Variants in LSAMP observed in about 807,000 individuals in gnomAD.
The protein encoded by LSAMP is limbic system-associated membrane protein.
In LSAMP, 7 loss-of-function variants were observed where a neutral mutation model predicts 38.6. That is an observed-to-expected ratio of 0.18 (90% CI 0.10 to 0.34). The LOEUF (loss-of-function observed/expected upper bound fraction) is 0.34. Among genes scored for constraint, LSAMP ranks in the 10% least tolerant of loss-of-function variants. LSAMP has a pLI of 1.00. For missense variants in LSAMP, 313 were observed against 420.0 expected (o/e 0.75, Z 2.23); for synonymous variants, 154 against 166.8 (o/e 0.92, Z 0.59).
intron 1 of LSAMP, among the ~76,000 whole-genome samples, chr3:116,207,360 T>C (rs375973336): frequency 6.6e-6 from 1 of 152,108 alleles, no homozygotes; most frequent in African/African-American, 2.4e-5. Context: ...CTTTATCCAA[T>C]TTGCCAGTCT....
chr3:115,894,728 C>G (rs181775514), intron 3 of LSAMP, among the ~76,000 whole-genome samples: 1 of 152,004 alleles, frequency 6.6e-6, no homozygotes, highest in Non-Finnish European at 1.5e-5. Context: ...GAAACTGACA[C>G]GCAGGAAAAA....
intron 3 of LSAMP, among the ~76,000 whole-genome samples, chr3:115,900,101 A>G (rs1445859744): frequency 1.3e-5 from 2 of 152,186 alleles, no homozygotes; most frequent in African/African-American, 2.4e-5. Context: ...GTCTTCCTAC[A>G]TTCAATACAT....
chr3:116,290,028 T>C (rs1051905757), intron 1 of LSAMP, among the ~76,000 whole-genome samples: 4 of 152,234 alleles, frequency 2.6e-5, no homozygotes, highest in African/African-American at 7.2e-5. Context: ...TTTCCTAGCA[T>C]AAATACCAGA....
At chr3:116,057,957 C>CCACACA (rs61123270) in intron 2 of LSAMP, among the ~76,000 whole-genome samples, 2 of 117,566 alleles carry the variant, frequency 1.7e-5, no homozygotes, top group South Asian at 5.7e-4. Flanking sequence ...ACACACACAC[C>CCACACA]CACACACACA....
chr3:116,217,951 C>A (rs1464528160), intron 1 of LSAMP, among the ~76,000 whole-genome samples: 1 of 152,076 alleles, frequency 6.6e-6, no homozygotes. Context: ...CACTGTGGTT[C>A]AGGTGAAAAG....
chr3:116,026,298 G>C (rs1940791073), intron 2 of LSAMP, among the ~76,000 whole-genome samples: 1 of 152,008 alleles, frequency 6.6e-6, no homozygotes, highest in African/African-American at 2.4e-5. Context: ...AGATCTCCAG[G>C]GTCTGCCCTG....
chr3:116,433,392 A>G (rs2107875886), intron 1 of LSAMP, among the ~76,000 whole-genome samples: 1 of 152,314 alleles, frequency 6.6e-6, no homozygotes, highest in East Asian at 1.9e-4. Context: ...GCATTATTTT[A>G]TGGAAAGCTA....
Position 116,427,105 on chromosome 3 carries a change from C to CTTTCT in LSAMP, c.155+17767_155+17771dup, listed in dbSNP as rs1295064795. 1.8e-5 allele frequency among the ~76,000 whole-genome samples: 2 copies of CTTTCT among 108,686 alleles called. 1 individual carries two copies. The highest frequency in any genetic ancestry group is 7.2e-5 in the African/African-American group (2 of 27,792). The allele number at this position is 108,686 out of a possible 152,430, so 71.3% of individuals were successfully genotyped here. On this transcript the variant is annotated intron_variant, in intron 1 of 6. Coordinates refer to ENST00000490035, the MANE Select transcript of LSAMP (RefSeq NM_002338.5). Reference sequence around the variant, plus strand: ...TGCAACCCTTAAGACTCAGCTCTTTCTTTCTTTTTTTTTTTTTTTTTTTTT... The same window carrying CTTTCT: ...TGCAACCCTTAAGACTCAGCTCTTTCTTTCTTTTCTTTTTTTTTTTTTTTTTTTTT...
intron 1 of LSAMP, among the ~76,000 whole-genome samples, chr3:116,442,938 T>C (rs1487681490): frequency 2.0e-5 from 3 of 152,244 alleles, no homozygotes. Context: ...AAGAATGTTT[T>C]TATTCTTCTG....
At chr3:115,983,518 C>G (rs1939423517) in intron 3 of LSAMP, among the ~76,000 whole-genome samples, 1 of 151,944 alleles carries the variant, frequency 6.6e-6, no homozygotes. Flanking sequence ...GAGAGCCTGT[C>G]TCAGAATAAA....
intron 2 of LSAMP, among the ~76,000 whole-genome samples, chr3:116,079,415 A>C (rs961932791): frequency 1.3e-5 from 2 of 152,128 alleles, no homozygotes; most frequent in African/African-American, 4.8e-5. Flanking sequence ...TCCCAGCACA[A>C]TGGGAGGCCG....
intron 1 of LSAMP, among the ~76,000 whole-genome samples, chr3:116,145,474 G>T (rs1234110569): frequency 6.6e-6 from 1 of 151,954 alleles, no homozygotes; most frequent in Non-Finnish European, 1.5e-5. Context: ...AAGGCAGTCT[G>T]GAAGCAGAAT....
chr3:116,011,196 T>C (rs558521532), intron 3 of LSAMP, among the ~76,000 whole-genome samples: 2 of 152,152 alleles, frequency 1.3e-5, no homozygotes, highest in Non-Finnish European at 2.9e-5. Flanking sequence ...TGTGAGCCAC[T>C]GCACCCGGCC....
chr3:116,251,144 C>T (rs555733887), intron 1 of LSAMP, among the ~76,000 whole-genome samples: 13 of 152,264 alleles, frequency 8.5e-5, no homozygotes, highest in South Asian at 4.1e-4. Context: ...TTTTACAAAA[C>T]GTGTCCCTCC....
intron 3 of LSAMP, among the ~76,000 whole-genome samples, chr3:115,970,911 T>G (rs539125367): frequency 1.3e-5 from 2 of 152,304 alleles, no homozygotes; most frequent in East Asian, 3.9e-4. Flanking sequence ...TGTTAGGGGT[T>G]TTTTATAGTA....
At chr3:116,270,532 C>T (rs2046957475) in intron 1 of LSAMP, among the ~76,000 whole-genome samples, 2 of 152,086 alleles carry the variant, frequency 1.3e-5, no homozygotes, top group Non-Finnish European at 2.9e-5. Flanking sequence ...GACCTTCAGC[C>T]ACCAATAAGG....
chr3:116,439,243 T>C lies in LSAMP; in HGVS notation c.155+5634A>G, dbSNP rs527535505. 1.9e-3 allele frequency among the ~76,000 whole-genome samples: 284 copies of C among 152,120 alleles called. 1 individual carries two copies. The highest frequency in any genetic ancestry group is 6.5e-3 in the African/African-American group (270 of 41,502). On this transcript the variant is annotated intron_variant, in intron 1 of 6. Coordinates refer to ENST00000490035, the MANE Select transcript of LSAMP (RefSeq NM_002338.5). ...CAGTGCTTCTCCAACCTCAATATGC[T>C]AGCGAATCGCTTGGAAGTCTTATTA...
intron 1 of LSAMP, among the ~76,000 whole-genome samples, chr3:116,311,984 T>C (rs1259363905): frequency 6.6e-6 from 1 of 152,172 alleles, no homozygotes; most frequent in Admixed American, 6.5e-5. Flanking sequence ...GACAAGTCAA[T>C]TTAATTTTCA....
intron 1 of LSAMP, among the ~76,000 whole-genome samples, chr3:116,175,199 T>C (rs1710307468): frequency 6.6e-6 from 1 of 152,120 alleles, no homozygotes; most frequent in Non-Finnish European, 1.5e-5. Context: ...GACTATTCTC[T>C]GCAAGGCCAA....
Sources: gnomAD v4.1 joint callset for allele counts (sites outside exome capture counted in the v4.1 genomes callset) on GRCh38, gnomAD v4.1.1 for gene constraint, MANE v1.5 for transcripts, NCBI Gene and HGNC (gene_info 2026-07-23, HGNC 2026-07-21) for gene names.